The following GPBP1 variants were observed in gnomAD, a reference collection of about 807,000 sequenced individuals.
GPBP1 encodes vasculin.
A neutral mutation model predicts 56.5 loss-of-function variants in GPBP1; 13 were observed. That is an observed-to-expected ratio of 0.23 (90% confidence interval 0.15 to 0.37). The LOEUF (loss-of-function observed/expected upper bound fraction) is 0.37, where lower values mean the gene tolerates loss of function less well. Among genes scored for constraint, GPBP1 ranks in the 10% least tolerant of loss-of-function variants. The pLI is 1.00. For synonymous variants in GPBP1, 204 were observed against 188.9 expected (o/e 1.08, Z -0.66); for missense variants, 477 against 572.3 (o/e 0.83, Z 1.70).
Position 57,217,642 on chromosome 5 carries a change from A to G in GPBP1, c.63+3449A>G, listed in dbSNP as rs150677560. ...CAAAGATCTACCTGTAACTGTCTAG[A>G]TATTTGCCTCTAAATAATGAGACAA... On this transcript the variant is annotated intron_variant, in intron 3 of 11. Coordinates refer to ENST00000506184, the MANE Select transcript of GPBP1 (RefSeq NM_022913.4). 2.9e-3 allele frequency among the ~76,000 whole-genome samples: 437 copies of G among 152,316 alleles called. 2 individuals carry two copies. Among genetic ancestry groups the G allele is most frequent in the African/African-American group, 0.01 (427 of 41,572 alleles).
At chr5:57,179,351 G>A (rs1309457568) in intron 2 of GPBP1, among the ~76,000 whole-genome samples, 3 of 145,564 alleles carry the variant, frequency 2.1e-5, no homozygotes, top group East Asian at 3.9e-4. Flanking sequence ...CTAAAATTGT[G>A]TGTGTGTGTG....
chr5:57,190,721 T>TC, intron 2 of GPBP1, among the ~76,000 whole-genome samples: 1 of 138,526 alleles, frequency 7.2e-6, no homozygotes, highest in African/African-American at 2.8e-5. Flanking sequence ...TTTTTTTTTT[T>TC]TCCTGAGACA....
intron 2 of GPBP1, among the ~76,000 whole-genome samples, chr5:57,186,388 T>TA (rs34384211): frequency 0.36 from 52,079 of 145,500 alleles, 9,732 homozygotes; most frequent in Middle Eastern, 0.44. Context: ...CTTGCCTCTT[T>TA]AAAAAAAAAA....
chr5:57,259,051 C>G (rs1455912326), intron 10 of GPBP1, among the ~76,000 whole-genome samples: 1 of 152,102 alleles, frequency 6.6e-6, no homozygotes, highest in African/African-American at 2.4e-5. Flanking sequence ...AATGCTATTC[C>G]AAAAGGAGGC....
chr5:57,262,407 G>GT (rs1449600530), intron 11 of GPBP1, among the ~76,000 whole-genome samples, 187 bp from the exon 12 acceptor site: 3 of 152,108 alleles, frequency 2.0e-5, no homozygotes, highest in African/African-American at 7.2e-5. Context: ...GGAAAGTTTA[G>GT]TACCTTAATC....
At chr5:57,211,997 C>T (rs862796) in intron 2 of GPBP1, among the ~76,000 whole-genome samples, 50,581 of 151,670 alleles carry the variant, frequency 0.33, 9,521 homozygotes, top group Non-Finnish European at 0.43. Context: ...AGGGCAGTGG[C>T]GCGATCTCGG....
intron 10 of GPBP1, among the ~76,000 whole-genome samples, chr5:57,256,421 T>G (rs1741666038): frequency 6.6e-6 from 1 of 152,214 alleles, no homozygotes; most frequent in Non-Finnish European, 1.5e-5. Flanking sequence ...CTTTATAGAT[T>G]ACATTGTTTT....
chr5:57,220,317 A>G (rs1033169897), intron 3 of GPBP1, among the ~76,000 whole-genome samples: 77 of 151,974 alleles, frequency 5.1e-4, no homozygotes, highest in African/African-American at 1.7e-3. Context: ...GAAATTCTCA[A>G]TGCTTTTTGG....
chr5:57,240,339 T>C (rs573115991), intron 6 of GPBP1, among the ~76,000 whole-genome samples: 19 of 152,310 alleles, frequency 1.2e-4, no homozygotes, highest in African/African-American at 4.3e-4. Flanking sequence ...AATTTACCTC[T>C]TCTGTCAAAA....
intron 2 of GPBP1, among the ~76,000 whole-genome samples, chr5:57,183,667 A>C (rs1445923897): frequency 1.3e-5 from 2 of 152,180 alleles, no homozygotes; most frequent in African/African-American, 2.4e-5. Flanking sequence ...AATTACGATG[A>C]AAGTGTAGTA....
intron 2 of GPBP1, among the ~76,000 whole-genome samples, chr5:57,183,004 T>G (rs1279994760): frequency 6.6e-6 from 1 of 152,142 alleles, no homozygotes; most frequent in Non-Finnish European, 1.5e-5. Flanking sequence ...TTAATTCAGT[T>G]TTCAAATTAT....
At chr5:57,182,769 G>A (rs535375812) in intron 2 of GPBP1, among the ~76,000 whole-genome samples, 41 of 149,634 alleles carry the variant, frequency 2.7e-4, no homozygotes, top group Middle Eastern at 7.4e-3. Flanking sequence ...CTGCCATCTC[G>A]ACCTCCTAGG....
At chr5:57,215,623 C>T (rs1460072012) in intron 3 of GPBP1, among the ~76,000 whole-genome samples, 5 of 152,232 alleles carry the variant, frequency 3.3e-5, no homozygotes, top group African/African-American at 1.2e-4. Context: ...TCAGAACTAG[C>T]TGGCCTGTGA....
chr5:57,228,641 C>G (rs1009000773), intron 3 of GPBP1, among the ~76,000 whole-genome samples: 6 of 151,582 alleles, frequency 4.0e-5, no homozygotes, highest in Non-Finnish European at 8.8e-5. Flanking sequence ...TTATTTTACT[C>G]AGATTTCAGC....
At chr5:57,181,250 G>T (rs983224947) in intron 2 of GPBP1, among the ~76,000 whole-genome samples, 10 of 152,092 alleles carry the variant, frequency 6.6e-5, no homozygotes, top group Admixed American at 5.2e-4. Flanking sequence ...CAGGAGGACT[G>T]CTTGAGCCTA....
intron 3 of GPBP1, among the ~76,000 whole-genome samples, chr5:57,219,409 AACAAAC>A (rs1755844549): frequency 1.7e-5 from 1 of 60,170 alleles, no homozygotes; most frequent in African/African-American, 1.3e-4. Flanking sequence ...AAAAACCAAA[AACAAAC>A]AAACAAAAAA....
At chr5:57,218,760 C>G (rs986737646) in intron 3 of GPBP1, among the ~76,000 whole-genome samples, 2 of 152,128 alleles carry the variant, frequency 1.3e-5, no homozygotes, top group Non-Finnish European at 2.9e-5. Flanking sequence ...CCACCACGCT[C>G]GAGCCAGAAT....
At chr5:57,205,934 T>G (rs1755213974) in intron 2 of GPBP1, among the ~76,000 whole-genome samples, 1 of 152,092 alleles carries the variant, frequency 6.6e-6, no homozygotes. Context: ...TGGCTAAGTT[T>G]TAAACATTTT....
rs1753771543 is a variant in GPBP1, at chr5:57,175,870, A to G, written c.-588A>G. ...TTTACCTTTATTGAAAGTTTTAGGAATTTTTGACTTCAGCTCTTTCATGTC... is the reference window on the plus strand; with the variant it reads ...TTTACCTTTATTGAAAGTTTTAGGAGTTTTTGACTTCAGCTCTTTCATGTC... On this transcript the variant is annotated 5_prime_UTR_variant, in exon 2 of 12. Transcript: ENST00000506184. The G allele has an allele frequency of 7.5e-6, 3 of 397,714 alleles. No homozygotes were observed. 24.6% of individuals were successfully genotyped at this position (397,714 alleles called of 1,614,324 possible).
Sources: allele counts gnomAD v4.1 joint callset (sites outside exome capture counted in the v4.1 genomes callset), GRCh38; gene constraint gnomAD v4.1.1; transcripts MANE v1.5; gene names NCBI Gene and HGNC (gene_info 2026-07-23, HGNC 2026-07-21).